GABPA: variants seen among roughly 807,000 people sequenced by gnomAD.
The protein encoded by GABPA is GA-binding protein alpha chain.
Under a neutral mutation model 59.4 loss-of-function variants are expected in GABPA, and 4 were observed. The observed-to-expected ratio is 0.07, with a 90% CI of 0.03 to 0.15. The LOEUF is 0.15. Ranked by LOEUF, GABPA falls within the 10% of genes least tolerant of loss-of-function variation. The pLI, the probability that GABPA is intolerant of heterozygous loss-of-function variation, is 1.00. For synonymous variants in GABPA, 164 were observed against 183.1 expected (o/e 0.90, Z 0.84); for missense variants, 251 against 543.8 (o/e 0.46, Z 5.36).
chr21:25,750,344 C>T (rs544493986), intron 4 of GABPA, among the ~76,000 whole-genome samples: 64 of 152,304 alleles, frequency 4.2e-4, no homozygotes, highest in African/African-American at 1.4e-3. Flanking sequence ...GGTTTGGGGA[C>T]CTCTGATCTG....
chr21:25,735,035 G>A lies in GABPA; in HGVS notation c.-570G>A. ...ACAGTCTGCGACCGGACGGGTCTAG[G>A]TGAGACAGAAGCCAAACAGGAGGAG... On this transcript the variant is annotated 5_prime_UTR_variant, in exon 1 of 10. It adds an upstream start codon to the 5' untranslated region. Transcript: ENST00000400075. 1.4e-6 allele frequency: 2 copies of A among 1,468,424 alleles called. No individual in the cohort carries two copies. The highest frequency in any genetic ancestry group is 3.4e-4 in the Middle Eastern group (2 of 5,814). 91.0% of individuals were successfully genotyped at this position (1,468,424 alleles called of 1,614,324 possible). A position where few individuals can be genotyped will look rare whatever the true frequency, so the allele number is the denominator to read the frequency against.
At chr21:25,750,677 T>C (rs1013619719) in intron 4 of GABPA, among the ~76,000 whole-genome samples, 9 of 152,218 alleles carry the variant, frequency 5.9e-5, no homozygotes, top group Admixed American at 5.9e-4. Context: ...CACATTTTTC[T>C]TCAGACTCTG....
intron 9 of GABPA, among the ~76,000 whole-genome samples, chr21:25,765,335 T>G (rs1351591457): frequency 1.3e-5 from 2 of 152,024 alleles, no homozygotes; most frequent in African/African-American, 4.8e-5. Flanking sequence ...ATCACGGAAT[T>G]ATGTCTGATT....
intron 4 of GABPA, 84 bp downstream of exon 4, chr21:25,749,204 G>A: frequency 1.3e-6 from 1 of 777,586 alleles, no homozygotes; most frequent in Non-Finnish European, 2.1e-6. Flanking sequence ...TGTTTTCGAT[G>A]GTTGTCTACA....
At chr21:25,762,151 T>C (rs1568951517) in intron 6 of GABPA, among the ~76,000 whole-genome samples, 161 bp from the exon 7 acceptor site, 1 of 152,188 alleles carries the variant, frequency 6.6e-6, no homozygotes, top group Non-Finnish European at 1.5e-5. Context: ...GACTATCAAA[T>C]ATTTTTAAGG....
At position 25,735,230 on chromosome 21, in the gene GABPA, G is replaced by A. The variant is rs1019346811; in HGVS notation, c.-375G>A. Reference sequence around the variant, plus strand: ...TCCCCTCCGAGTCAGCGTCCTGTTCGTTAGGGTTATCGAAGTGTATAAAGG... The same window carrying A: ...TCCCCTCCGAGTCAGCGTCCTGTTCATTAGGGTTATCGAAGTGTATAAAGG... On this transcript the variant is annotated 5_prime_UTR_variant, in exon 1 of 10. Coordinates refer to ENST00000400075, the MANE Select transcript of GABPA (RefSeq NM_002040.4). 2 of 581,276 alleles carry A rather than the reference G, an allele frequency of 3.4e-6. No homozygotes were observed. Among genetic ancestry groups the A allele is most frequent in the African/African-American group, 1.9e-5 (1 of 53,526 alleles). 36.0% of individuals were successfully genotyped at this position (581,276 alleles called of 1,614,324 possible).
chr21:25,762,162 T>A lies in GABPA; in HGVS notation c.749-150T>A, dbSNP rs893032460. 8.1e-6 allele frequency: 4 copies of A among 492,198 alleles called. No homozygotes were observed. In the Admixed American group the frequency reaches 1.5e-4, roughly 18 times the overall value. The allele number at this position is 492,198 out of a possible 1,614,324, so 30.5% of individuals were successfully genotyped here. A position where few individuals can be genotyped will look rare whatever the true frequency, so the allele number is the denominator to read the frequency against. On this transcript the variant is annotated intron_variant, in intron 6 of 9. Coordinates refer to ENST00000400075, the MANE Select transcript of GABPA (RefSeq NM_002040.4). The stretch of plus-strand genomic sequence containing the variant: ...AAGTGACTATCAAATATTTTTAAGG[T>A]TTTTATGCCAGTAAGTTTCAGTTCA...
chr21:25,750,295 G>A (rs933900789), intron 4 of GABPA, among the ~76,000 whole-genome samples: 5 of 152,192 alleles, frequency 3.3e-5, no homozygotes, highest in Admixed American at 1.3e-4. Flanking sequence ...TTATCCACTC[G>A]CCTGCCAGTC....
chr21:25,758,648 T>C (rs576245244), intron 6 of GABPA, among the ~76,000 whole-genome samples: 1 of 152,370 alleles, frequency 6.6e-6, no homozygotes, highest in East Asian at 1.9e-4. Flanking sequence ...CTACCCATTC[T>C]CTTCATTATT....
chr21:25,755,432 TAAA>T lies in GABPA; in HGVS notation c.554-2559_554-2557del, dbSNP rs968729001. 1.3e-3 allele frequency among the ~76,000 whole-genome samples: 111 copies of T among 85,786 alleles called. 2 individuals are homozygous for T. Among genetic ancestry groups the T allele is most frequent in the African/African-American group, 2.8e-3 (73 of 25,780 alleles). 56.3% of individuals were successfully genotyped at this position (85,786 alleles called of 152,430 possible). ...GCCTGGGTGGCAAAGCAAGACTGTC[TAAA>T]AAAAAAAAAAAAAAAAAAGGGCAAA... On this transcript the variant is annotated intron_variant, in intron 5 of 9. Transcript: ENST00000400075.
At chr21:25,747,168 A>T (rs1307506230) in intron 3 of GABPA, among the ~76,000 whole-genome samples, 4 of 152,186 alleles carry the variant, frequency 2.6e-5, no homozygotes, top group African/African-American at 9.7e-5. Flanking sequence ...TGGCTCCAGA[A>T]CTCTCTTCAC....
intron 1 of GABPA, among the ~76,000 whole-genome samples, chr21:25,737,161 G>T (rs112126159): frequency 8.5e-5 from 13 of 152,318 alleles, no homozygotes; most frequent in African/African-American, 3.1e-4. Flanking sequence ...ACCCCAGGTT[G>T]GATTTAATCC....
chr21:25,757,144 G>A (rs2035656611), intron 5 of GABPA, among the ~76,000 whole-genome samples: 1 of 151,458 alleles, frequency 6.6e-6, no homozygotes, highest in Non-Finnish European at 1.5e-5. Context: ...TTTATTTATT[G>A]GGTATATAAC....
At chr21:25,763,965 G>C (rs1381370541) in intron 7 of GABPA, among the ~76,000 whole-genome samples, 1 of 152,094 alleles carries the variant, frequency 6.6e-6, no homozygotes, top group Non-Finnish European at 1.5e-5. Flanking sequence ...GCATCACTAA[G>C]TTATTTCCAA....
chr21:25,750,286 T>C (rs1038237148), intron 4 of GABPA, among the ~76,000 whole-genome samples: 8 of 152,232 alleles, frequency 5.3e-5, no homozygotes, highest in African/African-American at 1.9e-4. Context: ...GATGAAACTT[T>C]ATCCACTCGC....
At chr21:25,738,477 G>T (rs915031877) in intron 1 of GABPA, among the ~76,000 whole-genome samples, 2 of 152,018 alleles carry the variant, frequency 1.3e-5, no homozygotes, top group Non-Finnish European at 2.9e-5. Flanking sequence ...TAGCCTGTCT[G>T]TTGAACATAA....
intron 2 of GABPA, among the ~76,000 whole-genome samples, chr21:25,742,893 A>C (rs2123497452): frequency 6.6e-6 from 1 of 151,412 alleles, no homozygotes; most frequent in East Asian, 1.9e-4. Context: ...TCGTTGTGCC[A>C]TTGCATTCCA....
chr21:25,761,557 A>G (rs2035767014), intron 6 of GABPA, among the ~76,000 whole-genome samples: 2 of 152,158 alleles, frequency 1.3e-5, no homozygotes, highest in Admixed American at 6.6e-5. Flanking sequence ...AGTACCCAGA[A>G]TGATTGCTGG....
intron 9 of GABPA, among the ~76,000 whole-genome samples, chr21:25,765,045 T>G (rs1004224565): frequency 6.6e-6 from 1 of 151,982 alleles, no homozygotes; most frequent in African/African-American, 2.4e-5. Context: ...AAAAAAATGT[T>G]TAATTTTTGA....
Sources: allele counts gnomAD v4.1 joint callset (sites outside exome capture counted in the v4.1 genomes callset), GRCh38; gene constraint gnomAD v4.1.1; transcripts MANE v1.5; gene names NCBI Gene and HGNC (gene_info 2026-07-23, HGNC 2026-07-21).